SATB2: variants seen among roughly 807,000 people sequenced by gnomAD.
SATB2 encodes the protein SATB homeobox 2, also known as DNA-binding protein SATB2.
Under a neutral mutation model 73.4 loss-of-function variants are expected in SATB2, and 1 was observed. That is an observed-to-expected ratio of 0.01 (90% CI 0.00 to 0.06). The LOEUF is 0.06. SATB2 is among the 10% of genes least tolerant of loss of function. The pLI is 1.00. For synonymous variants in SATB2, 397 were observed against 367.0 expected (o/e 1.08, Z -0.93); for missense variants, 459 against 945.8 (o/e 0.49, Z 6.75).
chr2:199,292,355 A>C (rs1228952733), intron 10 of SATB2, among the ~76,000 whole-genome samples: 1 of 152,230 alleles, frequency 6.6e-6, no homozygotes, highest in Non-Finnish European at 1.5e-5. Flanking sequence ...TAAACTGTCA[A>C]TAACCTATTA....
Position 199,433,926 on chromosome 2 carries a change from G to A in SATB2, c.170-412C>T, listed in dbSNP as rs116489889. ...TGTAATAAATATATTACTTTTACAC[G>A]TAAAAGTAATATATTTCTCTTTAAA... On this transcript the variant is annotated intron_variant, in intron 2 of 10. Coordinates refer to ENST00000417098, the MANE Select transcript of SATB2 (RefSeq NM_001172509.2). Among the ~76,000 whole-genome samples the A allele has an allele frequency of 8.7e-3, 1,319 of 151,616 alleles. 18 individuals carry two copies. Among genetic ancestry groups the A allele is most frequent in the African/African-American group, 0.029 (1,214 of 41,378 alleles).
In SATB2 at chr2:199,455,862, C is replaced by A; in HGVS notation, c.169+7G>T. 6.5e-7 allele frequency: 1 copy of A among 1,536,174 alleles called. No homozygotes were observed. Among genetic ancestry groups the A allele is most frequent in the Non-Finnish European group, 8.7e-7 (1 of 1,147,446 alleles). On this transcript the variant is annotated splice_region_variant and intron_variant, in intron 2 of 10. Transcript: ENST00000417098. This position sits in a 1 kb window ranked among gnomAD's most constrained non-coding sequence, Gnocchi z 4.1. The stretch of plus-strand genomic sequence containing the variant: ...GGGCTGCGCGCCTCCCTGCTCCGGG[C>A]TGTTACCTCCCACGGCCTTGGCCAC...
chr2:199,406,134 T>C (rs185816358), intron 3 of SATB2, among the ~76,000 whole-genome samples: 56 of 152,292 alleles, frequency 3.7e-4, no homozygotes, highest in Non-Finnish European at 3.2e-4. Flanking sequence ...CTATGCCCTT[T>C]TATGTAAGAT....
At chr2:199,293,779 C>T (rs1692943367) in intron 10 of SATB2, among the ~76,000 whole-genome samples, 1 of 152,056 alleles carries the variant, frequency 6.6e-6, no homozygotes, top group Non-Finnish European at 1.5e-5. Context: ...CAAACCACTG[C>T]CATGATTTAC....
chr2:199,425,871 A>T (rs1691310875), intron 3 of SATB2, among the ~76,000 whole-genome samples: 1 of 152,222 alleles, frequency 6.6e-6, no homozygotes, highest in Non-Finnish European at 1.5e-5. Context: ...GCATATGAAC[A>T]TGCATATGTG....
At chr2:199,294,928 TGTTTGA>T (rs1692983911) in intron 10 of SATB2, among the ~76,000 whole-genome samples, 1 of 152,218 alleles carries the variant, frequency 6.6e-6, no homozygotes, top group Non-Finnish European at 1.5e-5. Flanking sequence ...TGAGGTGCAC[TGTTTGA>T]GTTTATCATA....
At chr2:199,337,790 G>A (rs1410513913) in intron 7 of SATB2, among the ~76,000 whole-genome samples, 2 of 152,108 alleles carry the variant, frequency 1.3e-5, no homozygotes, top group Admixed American at 6.6e-5. Context: ...TTTTCTCTCA[G>A]CATTTCTGGC....
intron 2 of SATB2, among the ~76,000 whole-genome samples, chr2:199,436,364 G>T (rs1008709593): frequency 6.6e-6 from 1 of 151,690 alleles, no homozygotes. Flanking sequence ...ATTGTTAGCT[G>T]ACAACAGTAA....
chr2:199,443,247 T>TA (rs1009020130), intron 2 of SATB2, among the ~76,000 whole-genome samples: 27 of 149,446 alleles, frequency 1.8e-4, no homozygotes, highest in South Asian at 4.2e-4. Flanking sequence ...TTCAAACAAT[T>TA]AAAAAAAAAC....
chr2:199,371,127 A>C (rs1179208043), intron 5 of SATB2, among the ~76,000 whole-genome samples: 1 of 152,164 alleles, frequency 6.6e-6, no homozygotes, highest in Non-Finnish European at 1.5e-5. Flanking sequence ...CATCCTCAGA[A>C]GACTTTAAAA....
intron 9 of SATB2, among the ~76,000 whole-genome samples, chr2:199,311,606 C>T (rs868058334): frequency 2.6e-5 from 4 of 152,118 alleles, no homozygotes; most frequent in Admixed American, 6.5e-5. Context: ...CTCCTACGGG[C>T]GCTCCTGTGA....
chr2:199,292,486 C>T (rs1043125545), intron 10 of SATB2, among the ~76,000 whole-genome samples: 11 of 152,154 alleles, frequency 7.2e-5, no homozygotes, highest in Non-Finnish European at 1.0e-4. Flanking sequence ...TCTTTATTAC[C>T]TCCCAGTTTA....
chr2:199,423,128 C>A (rs183599608), intron 3 of SATB2, among the ~76,000 whole-genome samples: 1 of 151,996 alleles, frequency 6.6e-6, no homozygotes. Flanking sequence ...TAGTTCTAGA[C>A]GAAATGGAGA....
At chr2:199,349,285 T>C in intron 6 of SATB2, 112 bp from the exon 7 acceptor site, 1 of 831,576 alleles carries the variant, frequency 1.2e-6, no homozygotes, top group South Asian at 1.6e-5. Flanking sequence ...TATAAACATT[T>C]TTTCATACAA....
chr2:199,459,130 G>A (rs530534012), upstream of SATB2, among the ~76,000 whole-genome samples: 1 of 152,184 alleles, frequency 6.6e-6, no homozygotes, highest in Non-Finnish European at 1.5e-5. The surrounding 1 kb of genome is among the most constrained non-coding windows in gnomAD (Gnocchi z 4.2). Flanking sequence ...GGCGAGGGCG[G>A]TGGGGCTGCC....
intron 3 of SATB2, among the ~76,000 whole-genome samples, chr2:199,385,360 C>T (rs1689901205): frequency 6.6e-6 from 1 of 152,176 alleles, no homozygotes; most frequent in Non-Finnish European, 1.5e-5. Context: ...TCTCCAACTC[C>T]TGGGCTCAAG....
At chr2:199,328,658 C>T in intron 8 of SATB2, 40 bp downstream of exon 8, 1 of 1,527,760 alleles carries the variant, frequency 6.5e-7, no homozygotes. Flanking sequence ...AAGATGTTTC[C>T]AAGACAAAGA....
chr2:199,317,061 C>T (rs1322562238), intron 9 of SATB2, among the ~76,000 whole-genome samples: 7 of 151,130 alleles, frequency 4.6e-5, no homozygotes, highest in Admixed American at 1.3e-4. Context: ...AGGGGTGGGG[C>T]GGTATGGGCA....
intron 3 of SATB2, among the ~76,000 whole-genome samples, chr2:199,386,715 CGCACACACACACACACA>C (rs1689968143): frequency 3.5e-4 from 1 of 2,886 alleles, no homozygotes; most frequent in Non-Finnish European, 2.4e-3. Flanking sequence ...CGCGCGCGCG[CGCACACACACACACACA>C]CACACACACA....
Sources: allele counts gnomAD v4.1 joint callset (sites outside exome capture counted in the v4.1 genomes callset), GRCh38; gene constraint gnomAD v4.1.1; non-coding constraint Gnocchi (gnomAD v3.1); transcripts MANE v1.5; gene names NCBI Gene and HGNC (gene_info 2026-07-23, HGNC 2026-07-21).